Variants in CDH1 observed in about 807,000 individuals in gnomAD.
The protein encoded by CDH1 is cadherin-1.
A neutral mutation model predicts 84.5 loss-of-function variants in CDH1; 35 were observed. That is an observed-to-expected ratio of 0.41 (90% confidence interval 0.32 to 0.55). The LOEUF (loss-of-function observed/expected upper bound fraction) is 0.55, where lower values mean the gene tolerates loss of function less well. Ranked by LOEUF, CDH1 falls within the 20% of genes least tolerant of loss-of-function variation. The probability of loss-of-function intolerance (pLI) is 0.19; values close to 1 mark genes in which losing one functional copy is unlikely to be tolerated. For synonymous variants in CDH1, 417 were observed against 439.0 expected (o/e 0.95, Z 0.63); for missense variants, 994 against 1,126.6 (o/e 0.88, Z 1.68).
intron 13 of CDH1, among the ~76,000 whole-genome samples, chr16:68,824,171 A>G (rs148509401): frequency 3.6e-4 from 54 of 151,216 alleles, no homozygotes; most frequent in Non-Finnish European, 5.3e-4. Context: ...CTAATTTTGT[A>G]TTTTCAGTAG....
In CDH1 at chr16:68,790,291, G is replaced by A. The variant is rs544534212; in HGVS notation, c.164-11379G>A. ...AGAGGAGGAGGGATTTAGTAGCTTT[G>A]GAATTCAGTACATGGGGTCTCCCTA... On this transcript the variant is annotated intron_variant, in intron 2 of 15. Coordinates refer to ENST00000261769, the MANE Select transcript of CDH1 (RefSeq NM_004360.5). 5.3e-4 allele frequency among the ~76,000 whole-genome samples: 80 copies of A among 152,218 alleles called. 1 individual carries two copies. The highest frequency in any genetic ancestry group is 1.9e-3 in the African/African-American group (77 of 41,558).
chr16:68,799,131 C>T (rs1049901138), intron 2 of CDH1, among the ~76,000 whole-genome samples: 1 of 152,176 alleles, frequency 6.6e-6, no homozygotes, highest in Non-Finnish European at 1.5e-5. Context: ...TTGCTAAGGC[C>T]ACCCAGCAAG....
chr16:68,776,980 G>A (rs1053145512), intron 2 of CDH1, among the ~76,000 whole-genome samples: 1 of 152,168 alleles, frequency 6.6e-6, no homozygotes, highest in Non-Finnish European at 1.5e-5. Flanking sequence ...CAATCTTGGT[G>A]TGGCTGACTT....
chr16:68,791,004 G>A (rs1960192027), intron 2 of CDH1, among the ~76,000 whole-genome samples: 1 of 152,192 alleles, frequency 6.6e-6, no homozygotes, highest in South Asian at 2.1e-4. Flanking sequence ...GAGGCAATGA[G>A]GCAATCTGGC....
intron 2 of CDH1, among the ~76,000 whole-genome samples, chr16:68,786,235 G>A (rs1170181874): frequency 6.6e-6 from 1 of 151,864 alleles, no homozygotes; most frequent in Non-Finnish European, 1.5e-5. Context: ...GCAGTGATGC[G>A]ATATTGGCTC....
intron 13 of CDH1, chr16:68,826,463 G>C (rs1162070918): frequency 6.6e-6 from 1 of 151,998 alleles, no homozygotes; most frequent in Non-Finnish European, 1.5e-5. Flanking sequence ...TGTTTCTTAA[G>C]GGCACAAATG....
intron 9 of CDH1, 197 bp downstream of exon 9, chr16:68,813,692 G>T (rs1160066399): frequency 2.8e-6 from 2 of 716,100 alleles, no homozygotes; most frequent in African/African-American, 1.7e-5. Flanking sequence ...GCTGTGTGTG[G>T]TGGCTCACGC....
chr16:68,756,085 T>C (rs919435052), intron 2 of CDH1, among the ~76,000 whole-genome samples: 12 of 152,156 alleles, frequency 7.9e-5, no homozygotes, highest in Non-Finnish European at 1.0e-4. Context: ...CTAAAGATTC[T>C]TCCTGCAGAG....
intron 2 of CDH1, among the ~76,000 whole-genome samples, chr16:68,786,391 C>T (rs578017370): frequency 2.0e-5 from 3 of 151,898 alleles, no homozygotes; most frequent in Admixed American, 1.3e-4. Flanking sequence ...AGGCTGGTCT[C>T]GAACCCCTGA....
intron 2 of CDH1, among the ~76,000 whole-genome samples, chr16:68,762,770 G>A (rs993746519): frequency 3.3e-5 from 5 of 151,932 alleles, no homozygotes; most frequent in African/African-American, 9.7e-5. Context: ...TTATCCGGGC[G>A]TGTTGGTGGG....
At chr16:68,766,174 G>T (rs1037619192) in intron 2 of CDH1, among the ~76,000 whole-genome samples, 3 of 152,138 alleles carry the variant, frequency 2.0e-5, no homozygotes, top group Admixed American at 6.6e-5. Context: ...CAGGAGAATC[G>T]CTTGAACCCG....
intron 2 of CDH1, among the ~76,000 whole-genome samples, chr16:68,770,742 A>G (rs1165443821): frequency 6.6e-6 from 1 of 151,370 alleles, no homozygotes; most frequent in Non-Finnish European, 1.5e-5. Flanking sequence ...AGGAACAGCA[A>G]GGGCTGAGAG....
At chr16:68,824,070 T>C (rs1172091101) in intron 13 of CDH1, among the ~76,000 whole-genome samples, 1 of 146,860 alleles carries the variant, frequency 6.8e-6, no homozygotes, top group African/African-American at 2.5e-5. Flanking sequence ...TGATCTCAGC[T>C]CACTGCACCC....
chr16:68,811,616 A>AT, intron 6 of CDH1, 68 bp from the exon 7 acceptor site: 1 of 1,381,892 alleles, frequency 7.2e-7, no homozygotes. Context: ...GCAGAATTGG[A>AT]TTAAGCAGTA....
At chr16:68,743,293 T>TTCTC (rs1193725842) in intron 2 of CDH1, among the ~76,000 whole-genome samples, 2 of 6,182 alleles carry the variant, frequency 3.2e-4, no homozygotes, top group African/African-American at 1.4e-3. Context: ...CTTTCTTTCT[T>TTCTC]TCTTTCTTTC....
chr16:68,746,859 G>T (rs544671771), intron 2 of CDH1, among the ~76,000 whole-genome samples: 61 of 152,272 alleles, frequency 4.0e-4, no homozygotes, highest in South Asian at 1.7e-3. Context: ...CGAGGCAGGA[G>T]AATCACTTGA....
At chr16:68,783,121 G>T (rs1959929345) in intron 2 of CDH1, among the ~76,000 whole-genome samples, 1 of 152,028 alleles carries the variant, frequency 6.6e-6, no homozygotes, top group African/African-American at 2.4e-5. Flanking sequence ...AAAGGGCCGG[G>T]AGTGGTGGCT....
intron 2 of CDH1, among the ~76,000 whole-genome samples, chr16:68,777,534 C>CTTTTTTTTTTTT (rs71148949): frequency 5.2e-5 from 4 of 76,986 alleles, no homozygotes; most frequent in Non-Finnish European, 7.0e-5. Context: ...GTAATGTTTC[C>CTTTTTTTTTTTT]TTTTTTTTTT....
rs970819367 is a variant in CDH1 at position 68,823,676 on chromosome 16, A to C, written c.2164+50A>C. ...AGCCTTTGACTTAAAAAAATGGAGGAGGTTTATTTCCTGGAAATGATTTTT... is the reference window on the plus strand; with the variant it reads ...AGCCTTTGACTTAAAAAAATGGAGGCGGTTTATTTCCTGGAAATGATTTTT... On this transcript the variant is annotated intron_variant, in intron 13 of 15. Transcript: ENST00000261769. 1.1e-5 allele frequency: 13 copies of C among 1,235,738 alleles called. No homozygotes were observed. The highest frequency in any genetic ancestry group is 3.0e-5 in the African/African-American group (2 of 67,228). The allele number at this position is 1,235,738 out of a possible 1,614,324, so 76.5% of individuals were successfully genotyped here.
Sources: gnomAD v4.1 joint callset for allele counts (sites outside exome capture counted in the v4.1 genomes callset) on GRCh38, gnomAD v4.1.1 for gene constraint, MANE v1.5 for transcripts, NCBI Gene and HGNC (gene_info 2026-07-23, HGNC 2026-07-21) for gene names.